The following DNAJB6 variants were observed in gnomAD, a reference collection of about 807,000 sequenced individuals.
DNAJB6 encodes the protein dnaJ homolog subfamily B member 6.
A neutral mutation model predicts 42.7 loss-of-function variants in DNAJB6; 16 were observed. The ratio of observed to expected loss-of-function variants is 0.37; its 90% CI spans 0.25 to 0.57. The LOEUF (loss-of-function observed/expected upper bound fraction) is 0.57. Ranked by LOEUF, DNAJB6 falls within the 20% of genes least tolerant of loss-of-function variation. The probability of loss-of-function intolerance (pLI) is 0.74; values close to 1 mark genes in which losing one functional copy is unlikely to be tolerated. For synonymous variants in DNAJB6, 170 were observed against 163.5 expected (o/e 1.04, Z -0.30); for missense variants, 347 against 416.8 (o/e 0.83, Z 1.46).
chr7:157,400,556 C>T (rs1029691188), intron 8 of DNAJB6, among the ~76,000 whole-genome samples: 9 of 152,218 alleles, frequency 5.9e-5, no homozygotes, highest in South Asian at 2.1e-4. Context: ...ACTTGATCCT[C>T]GGGTGGGCTG....
intron 5 of DNAJB6, chr7:157,369,603 T>C (rs73744701): frequency 0.018 from 5,588 of 309,788 alleles, 249 homozygotes; most frequent in African/African-American, 0.092. Context: ...TATTATTAAA[T>C]AGGCCCCTTC....
At chr7:157,373,280 C>G (rs1800309254) in intron 5 of DNAJB6, among the ~76,000 whole-genome samples, 1 of 152,148 alleles carries the variant, frequency 6.6e-6, no homozygotes, top group Admixed American at 6.5e-5. Context: ...TTGTGCTAGT[C>G]TTTGAAATTC....
intron 8 of DNAJB6, among the ~76,000 whole-genome samples, chr7:157,402,770 C>T (rs1305321807): frequency 6.6e-6 from 1 of 152,200 alleles, no homozygotes; most frequent in African/African-American, 2.4e-5. Flanking sequence ...AAGTAAGCCA[C>T]TCTTTGGCCC....
At position 157,340,998 on chromosome 7, in the gene DNAJB6, G is replaced by GTGCGCGCGCGCGCGCGCT. The variant is rs67210462; in HGVS notation, c.-27+3854_-27+3855insTGCGCGCGCGCGCGCGCT. On this transcript the variant is annotated intron_variant, in intron 1 of 9. Coordinates refer to ENST00000262177, the MANE Select transcript of DNAJB6 (RefSeq NM_058246.4). ...TGTGTGTGTGTGTGTGTGTGTGTGT[G>GTGCGCGCGCGCGCGCGCT]CGCGCGCGCAGGTGGAATCACCCTG... Among the ~76,000 whole-genome samples, 855 of 134,924 alleles carry GTGCGCGCGCGCGCGCGCT rather than the reference G, an allele frequency of 6.3e-3. 9 individuals carry two copies. The highest frequency in any genetic ancestry group is 0.038 in the East Asian group (176 of 4,646). The allele number at this position is 134,924 out of a possible 152,430, so 88.5% of individuals were successfully genotyped here.
At chr7:157,358,891 A>G (rs76463059) in intron 2 of DNAJB6, among the ~76,000 whole-genome samples, 50 of 152,314 alleles carry the variant, frequency 3.3e-4, no homozygotes, top group African/African-American at 1.2e-3. Flanking sequence ...GATAATCCCA[A>G]ACATCTTTTA....
intron 5 of DNAJB6, chr7:157,380,213 G>A (rs1357701284): frequency 6.6e-6 from 1 of 152,286 alleles, no homozygotes; most frequent in African/African-American, 2.4e-5. Context: ...TACCTGGGAG[G>A]ATATGTTGTA....
chr7:157,373,465 C>T (rs1277681511), intron 5 of DNAJB6, among the ~76,000 whole-genome samples: 1 of 152,208 alleles, frequency 6.6e-6, no homozygotes, highest in East Asian at 1.9e-4. Flanking sequence ...ATTCTCTTGC[C>T]TCAGCCTCCC....
intron 8 of DNAJB6, chr7:157,386,474 T>C: frequency 4.2e-6 from 1 of 236,044 alleles, no homozygotes; most frequent in Non-Finnish European, 6.9e-6. Flanking sequence ...TTTCATATTG[T>C]AAGTTGTGAT....
At chr7:157,355,231 C>T (rs1799210902) in intron 1 of DNAJB6, among the ~76,000 whole-genome samples, 1 of 152,224 alleles carries the variant, frequency 6.6e-6, no homozygotes, top group Non-Finnish European at 1.5e-5. Context: ...GCGATCTCGG[C>T]TCACTGCAGG....
rs117530904 is a variant in DNAJB6, at chr7:157,394,323, A to G, written c.691+8712A>G. Among the ~76,000 whole-genome samples the G allele has an allele frequency of 4.9e-3, 745 of 152,222 alleles. 4 individuals are homozygous for G. The highest frequency in any genetic ancestry group is 7.7e-3 in the Non-Finnish European group (525 of 68,012). ...ATTCTGTGAGCTTGTATTCTACTGG[A>G]TTTTTTTCTATCTTGCTTAAGAAAT... On this transcript the variant is annotated intron_variant, in intron 8 of 9. Coordinates refer to ENST00000262177, the MANE Select transcript of DNAJB6 (RefSeq NM_058246.4).
intron 1 of DNAJB6, among the ~76,000 whole-genome samples, chr7:157,353,586 G>GGTGCGTGTGTGTGTGT (rs1554453959): frequency 7.1e-6 from 1 of 140,038 alleles, no homozygotes; most frequent in African/African-American, 2.7e-5. Flanking sequence ...TCTTGACCGG[G>GGTGCGTGTGTGTGTGT]GTGTGTGTGT....
intron 8 of DNAJB6, among the ~76,000 whole-genome samples, chr7:157,387,856 GTTTT>G (rs559382576): frequency 8.6e-5 from 13 of 150,902 alleles, no homozygotes; most frequent in African/African-American, 3.2e-4. Context: ...TTGTTTGTTT[GTTTT>G]TTTGAGACGG....
chr7:157,353,619 G>GTGTGTGTGTGTATGTA (rs765489885), intron 1 of DNAJB6, among the ~76,000 whole-genome samples: 6 of 146,890 alleles, frequency 4.1e-5, no homozygotes, highest in African/African-American at 1.3e-4. Flanking sequence ...GTGTGTGTGT[G>GTGTGTGTGTGTATGTA]TGTATGTATT....
At chr7:157,340,817 T>C (rs1006987231) in intron 1 of DNAJB6, among the ~76,000 whole-genome samples, 31 of 152,074 alleles carry the variant, frequency 2.0e-4, no homozygotes, top group Admixed American at 1.6e-3. Flanking sequence ...GACAGGCGCG[T>C]GTCACCACGC....
At position 157,355,076 on chromosome 7, in the gene DNAJB6, T is replaced by C. The variant is rs80025701; in HGVS notation, c.-26-3471T>C. ...CTCATTGCTAAGTAAATTATATTTA[T>C]GTAATGGGAAAGGATGAAAACCCAC... On this transcript the variant is annotated intron_variant, in intron 1 of 9. Transcript: ENST00000262177. Among the ~76,000 whole-genome samples the C allele has an allele frequency of 2.4e-3, 368 of 152,318 alleles. 10 individuals are homozygous for C. The East Asian group carries it at 0.055, about 23-fold the overall frequency.
At chr7:157,392,099 C>CAAA (rs57861175) in intron 8 of DNAJB6, among the ~76,000 whole-genome samples, 8,635 of 111,970 alleles carry the variant, frequency 0.077, 420 homozygotes, top group Non-Finnish European at 0.079. Context: ...GACCCTGTCT[C>CAAA]AAAAAAAAAA....
intron 1 of DNAJB6, among the ~76,000 whole-genome samples, chr7:157,358,005 C>G (rs377605466): frequency 6.6e-6 from 1 of 152,320 alleles, no homozygotes; most frequent in South Asian, 2.1e-4. Context: ...AAAGGTCTTT[C>G]TCTCTTGGGA....
intron 1 of DNAJB6, among the ~76,000 whole-genome samples, chr7:157,341,420 G>C (rs527609635): frequency 2.6e-5 from 4 of 152,248 alleles, no homozygotes; most frequent in African/African-American, 9.6e-5. Context: ...CACTGCGCCA[G>C]GCCATATTTT....
intron 1 of DNAJB6, among the ~76,000 whole-genome samples, chr7:157,341,962 G>T (rs978809381): frequency 2.0e-5 from 3 of 151,652 alleles, no homozygotes; most frequent in Non-Finnish European, 4.4e-5. Context: ...CACCTCTGGG[G>T]TTCAAGCGAT....
Sources: gnomAD v4.1 joint callset for allele counts (sites outside exome capture counted in the v4.1 genomes callset) on GRCh38, gnomAD v4.1.1 for gene constraint, MANE v1.5 for transcripts, NCBI Gene and HGNC (gene_info 2026-07-23, HGNC 2026-07-21) for gene names.